The following ADCY8 variants were observed in gnomAD, a reference collection of about 807,000 sequenced individuals.
The protein encoded by ADCY8 is adenylate cyclase 8, also known as adenylate cyclase type 8.
ADCY8 carries 51 observed loss-of-function variants against 119.7 expected under a neutral mutation model. That is an observed-to-expected ratio of 0.43 (90% confidence interval 0.34 to 0.54). The LOEUF (loss-of-function observed/expected upper bound fraction) is 0.54, where lower values mean the gene tolerates loss of function less well. ADCY8 is among the 20% of genes least tolerant of loss of function. The pLI is 0.03. For synonymous variants in ADCY8, 665 were observed against 651.0 expected, an observed-to-expected ratio of 1.02 and a Z score of -0.33; for missense variants, 1,383 against 1,598.8, an observed-to-expected ratio of 0.87 and a Z score of 2.30.
chr8:130,969,473 C>T (rs538712937), intron 2 of ADCY8, among the ~76,000 whole-genome samples: 1 of 152,298 alleles, frequency 6.6e-6, no homozygotes, highest in South Asian at 2.1e-4. Context: ...GACTAATATA[C>T]ATAGTATAGT....
At chr8:130,970,162 C>T (rs1821879809) in intron 2 of ADCY8, among the ~76,000 whole-genome samples, 1 of 152,164 alleles carries the variant, frequency 6.6e-6, no homozygotes, top group African/African-American at 2.4e-5. Flanking sequence ...AGTTCCTGGG[C>T]CATGGACTGG....
chr8:130,809,585 C>A (rs1220421775), intron 14 of ADCY8, among the ~76,000 whole-genome samples: 1 of 11,144 alleles, frequency 9.0e-5, no homozygotes, highest in Non-Finnish European at 1.5e-4. Context: ...GACTGATTAA[C>A]ATCTGGTCCT....
At chr8:130,891,371 C>T (rs2130484417) in intron 7 of ADCY8, among the ~76,000 whole-genome samples, 1 of 152,244 alleles carries the variant, frequency 6.6e-6, no homozygotes, top group East Asian at 1.9e-4. Flanking sequence ...GCCAACCCAA[C>T]CCCTGGAAGA....
intron 15 of ADCY8, among the ~76,000 whole-genome samples, chr8:130,794,799 G>T (rs1815528746): frequency 6.6e-6 from 1 of 152,178 alleles, no homozygotes; most frequent in South Asian, 2.1e-4. Context: ...AACTTACAAT[G>T]ACCCTACTGT....
intron 1 of ADCY8, 139 bp from the exon 2 acceptor site, chr8:130,990,681 A>G: frequency 9.3e-7 from 1 of 1,077,284 alleles, no homozygotes; most frequent in Non-Finnish European, 1.3e-6. Flanking sequence ...TTGTAGAGCT[A>G]TGCCCTTCAT....
rs1367206133 is a variant in ADCY8 at position 131,039,901 on chromosome 8, C to T, written c.433G>A (p.Gly145Arg). The change falls in exon 1 of 18, where the codon GGG (glycine) becomes AGG (arginine). Residue 145 changes from glycine to arginine, a missense_variant. Gly to Arg is a moderately radical substitution (Grantham distance 125). This residue lies in a region of ADCY8 where 455 missense variants were observed against 435.3 expected (regional missense o/e 1.05). Coordinates refer to ENST00000286355, the MANE Select transcript of ADCY8 (RefSeq NM_001115.3). The stretch of plus-strand genomic sequence containing the variant: ...ATGACCCCTCGGTAGCTATAGCCCC[C>T]ATTAAGAAAGAAATCCGAGTTGCTA... ...APSNSDFFLN[G>R]GYSYRGVIFP... 6.2e-7 allele frequency: 1 copy of T among 1,613,284 alleles called. No individual in the cohort carries two copies. Among genetic ancestry groups the T allele is most frequent in the Non-Finnish European group, 8.5e-7 (1 of 1,179,614 alleles).
intron 14 of ADCY8, among the ~76,000 whole-genome samples, chr8:130,801,450 T>G (rs1815773751): frequency 6.6e-6 from 1 of 152,232 alleles, no homozygotes; most frequent in African/African-American, 2.4e-5. Flanking sequence ...TACTTCTACC[T>G]GATCATTTTA....
chr8:130,854,915 T>C (rs73342495), intron 9 of ADCY8, among the ~76,000 whole-genome samples: 47,782 of 131,432 alleles, frequency 0.36, 9,195 homozygotes, highest in African/African-American at 0.39. Context: ...CCCTTTTCTT[T>C]TCCCCCTTTC....
intron 1 of ADCY8, among the ~76,000 whole-genome samples, chr8:131,012,414 T>A (rs1823338250): frequency 1.3e-5 from 2 of 152,156 alleles, no homozygotes; most frequent in Non-Finnish European, 1.5e-5. Context: ...CAAAAGGGAC[T>A]GTAATTTGTC....
At chr8:130,899,609 A>G (rs111531025) in intron 7 of ADCY8, among the ~76,000 whole-genome samples, 2 of 140,282 alleles carry the variant, frequency 1.4e-5, no homozygotes, top group Non-Finnish European at 3.1e-5. Flanking sequence ...CCATCTCAAT[A>G]AAAAAAAAAA....
intron 9 of ADCY8, among the ~76,000 whole-genome samples, chr8:130,860,072 G>A (rs1164001104): frequency 6.6e-6 from 1 of 152,034 alleles, no homozygotes; most frequent in Non-Finnish European, 1.5e-5. Flanking sequence ...GGTATTGACA[G>A]TTATTTATTT....
chr8:131,002,947 T>C (rs1822997360), intron 1 of ADCY8, among the ~76,000 whole-genome samples: 1 of 152,154 alleles, frequency 6.6e-6, no homozygotes, highest in Non-Finnish European at 1.5e-5. Flanking sequence ...CACGCCTGCA[T>C]CCCAGCACTT....
intron 1 of ADCY8, among the ~76,000 whole-genome samples, chr8:130,992,385 AT>A (rs1822610959): frequency 1.1e-4 from 1 of 9,394 alleles, no homozygotes; most frequent in Non-Finnish European, 2.4e-4. Flanking sequence ...TATCTGGCAT[AT>A]ATATATATAT....
intron 4 of ADCY8, among the ~76,000 whole-genome samples, chr8:130,937,922 G>A (rs1048959868): frequency 6.6e-6 from 1 of 152,084 alleles, no homozygotes; most frequent in African/African-American, 2.4e-5. Flanking sequence ...CCATTTCACC[G>A]GTGAGAAGTA....
rs111316649 is a variant in ADCY8 at position 130,844,225 on chromosome 8, A to T, written c.2502+3199T>A. Among the ~76,000 whole-genome samples the T allele has an allele frequency of 4.3e-3, 649 of 152,238 alleles. 6 individuals carry two copies. Among genetic ancestry groups the T allele is most frequent in the African/African-American group, 0.014 (595 of 41,542 alleles). ...CCACATCCAGATGTTTGAGATAATG[A>T]CACTCTGGGTTTGTGCATGTGATTT... On this transcript the variant is annotated intron_variant, in intron 11 of 17. Coordinates refer to ENST00000286355, the MANE Select transcript of ADCY8 (RefSeq NM_001115.3).
At chr8:131,004,745 T>A (rs998803305) in intron 1 of ADCY8, among the ~76,000 whole-genome samples, 2 of 152,176 alleles carry the variant, frequency 1.3e-5, no homozygotes, top group Non-Finnish European at 2.9e-5. Context: ...GCTTACAGAC[T>A]AATAATATGC....
rs567163198 is a variant in ADCY8 at position 130,936,943 on chromosome 8, C to T, written c.1481+130G>A. The T allele has an allele frequency of 5.1e-6, 6 of 1,166,280 alleles. No homozygotes were observed. The African/African-American group carries it at 7.7e-5, about 15-fold the overall frequency. 72.2% of individuals were successfully genotyped at this position (1,166,280 alleles called of 1,614,324 possible). On this transcript the variant is annotated intron_variant, in intron 5 of 17. Coordinates refer to ENST00000286355, the MANE Select transcript of ADCY8 (RefSeq NM_001115.3). Reference sequence around the variant, plus strand: ...TTATATGGGAGAACTAAGGGGCACACAGTTTTTGTGAAATAAGTCAAAAGG... The same window carrying T: ...TTATATGGGAGAACTAAGGGGCACATAGTTTTTGTGAAATAAGTCAAAAGG...
chr8:130,902,235 C>G (rs1473827088), intron 7 of ADCY8, among the ~76,000 whole-genome samples: 2 of 152,102 alleles, frequency 1.3e-5, no homozygotes, highest in Non-Finnish European at 2.9e-5. Context: ...AATCAGCATA[C>G]AGACCCAAGC....
At chr8:130,904,725 A>T (rs1465290069) in intron 6 of ADCY8, among the ~76,000 whole-genome samples, 4 of 152,206 alleles carry the variant, frequency 2.6e-5, no homozygotes, top group African/African-American at 9.6e-5. Flanking sequence ...TCATGGCTGC[A>T]CAATTGTCAG....
Sources: allele counts gnomAD v4.1 joint callset (sites outside exome capture counted in the v4.1 genomes callset), GRCh38; gene constraint gnomAD v4.1.1; regional missense constraint gnomAD v4.1.1; transcripts MANE v1.5; gene names NCBI Gene and HGNC (gene_info 2026-07-23, HGNC 2026-07-21).